Variants in GRK3 observed in about 807,000 individuals in gnomAD.
The protein encoded by GRK3 is G protein-coupled receptor kinase 3.
A neutral mutation model predicts 95.7 loss-of-function variants in GRK3; 54 were observed. The observed-to-expected ratio is 0.56, with a 90% confidence interval of 0.45 to 0.71. The LOEUF is 0.71. Among genes scored for constraint, GRK3 ranks in the 30% least tolerant of loss-of-function variants. GRK3 has a pLI of 0.00. For missense variants in GRK3, 649 were observed against 851.2 expected (o/e 0.76, Z 2.96); for synonymous variants, 281 against 290.8 (o/e 0.97, Z 0.34).
intron 6 of GRK3, among the ~76,000 whole-genome samples, chr22:25,668,505 C>T (rs906196820): frequency 1.3e-5 from 2 of 152,210 alleles, no homozygotes; most frequent in Non-Finnish European, 2.9e-5. Context: ...GTTTTCTTCA[C>T]CACATATTCA....
Position 25,722,652 on chromosome 22 carries a change from G to A in GRK3, c.*202G>A. The A allele has an allele frequency of 2.0e-6, 1 of 507,422 alleles. No individual in the cohort carries two copies. Among genetic ancestry groups the A allele is most frequent in the Non-Finnish European group, 3.4e-6 (1 of 290,280 alleles). 31.4% of individuals were successfully genotyped at this position (507,422 alleles called of 1,614,324 possible). A position where few individuals can be genotyped will look rare whatever the true frequency, so the allele number is the denominator to read the frequency against. ...ATTAGAAACTACTGAAGAAATAAAA[G>A]TTCTTTTTCTTTGCTACACACTTTG... On this transcript the variant is annotated 3_prime_UTR_variant, in exon 21 of 21. Coordinates refer to ENST00000324198, the MANE Select transcript of GRK3 (RefSeq NM_005160.4).
intron 1 of GRK3, among the ~76,000 whole-genome samples, chr22:25,577,616 C>T (rs1287215454): frequency 6.6e-6 from 1 of 152,226 alleles, no homozygotes; most frequent in African/African-American, 2.4e-5. Context: ...TTGTATTTGT[C>T]AGGAGCACAT....
At chr22:25,695,866 G>A (rs2085204050) in intron 13 of GRK3, among the ~76,000 whole-genome samples, 1 of 139,938 alleles carries the variant, frequency 7.1e-6, no homozygotes, top group Non-Finnish European at 1.5e-5. Context: ...GAGACGTCTC[G>A]CTCTGTCTCC....
rs919888839 is a variant in GRK3, at chr22:25,725,701, C to G, written c.*3251C>G. 7.5e-6 allele frequency: 3 copies of G among 398,342 alleles called. No individual in the cohort carries two copies. The highest frequency in any genetic ancestry group is 6.2e-5 in the African/African-American group (3 of 48,612). The allele number at this position is 398,342 out of a possible 1,614,324, so 24.7% of individuals were successfully genotyped here. ...ATGGCTCACGCCTATAATCCCAGCA[C>G]TTTGGGAGGCCGAGAGGGGCGGTTC... On this transcript the variant is annotated 3_prime_UTR_variant, in exon 21 of 21. Coordinates refer to ENST00000324198, the MANE Select transcript of GRK3 (RefSeq NM_005160.4).
chr22:25,655,886 C>T (rs1601505422), intron 3 of GRK3, among the ~76,000 whole-genome samples: 1 of 152,260 alleles, frequency 6.6e-6, no homozygotes, highest in East Asian at 1.9e-4. Flanking sequence ...AAATAGGACA[C>T]CAGATGAACA....
Position 25,721,400 on chromosome 22 carries a change from G to T in GRK3, c.1905+3G>T. 1 of 1,510,986 alleles carries T rather than the reference G, an allele frequency of 6.6e-7. No individual in the cohort carries two copies. Among genetic ancestry groups the T allele is most frequent in the East Asian group, 2.3e-5 (1 of 43,802 alleles). The allele number at this position is 1,510,986 out of a possible 1,614,324, so 93.6% of individuals were successfully genotyped here. On this transcript the variant is annotated splice_donor_region_variant and intron_variant, in intron 20 of 20. Transcript: ENST00000324198. Reference sequence around the variant, plus strand: ...AACAATTTGTCTTGCAATGTGAGGTGAGTTTTTATTTTTTCTTAGGTGAAT... The same window carrying T: ...AACAATTTGTCTTGCAATGTGAGGTTAGTTTTTATTTTTTCTTAGGTGAAT...
At chr22:25,613,348 T>C (rs1401097608) in intron 2 of GRK3, among the ~76,000 whole-genome samples, 1 of 150,634 alleles carries the variant, frequency 6.6e-6, no homozygotes, top group African/African-American at 2.5e-5. Flanking sequence ...AAGAGTTCTC[T>C]AGCCAGAGCA....
At position 25,716,144 on chromosome 22, in the gene GRK3, G is replaced by A. The variant is rs755398150; in HGVS notation, c.1654+1574G>A. On this transcript the variant is annotated intron_variant, in intron 18 of 20. Transcript: ENST00000324198. ...TGGGATTACAGGCGCCCACCACCAC[G>A]CCTGGCTATTTTTTTTTGTATTTTT... Among the ~76,000 whole-genome samples the A allele has an allele frequency of 5.9e-5, 9 of 151,836 alleles. 1 individual carries two copies. The highest frequency in any genetic ancestry group is 1.2e-4 in the African/African-American group (5 of 41,294).
rs766752684 is a variant in GRK3, at chr22:25,661,659, A to G, written c.348A>G (p.Glu116=). 5.0e-6 allele frequency: 8 copies of G among 1,609,284 alleles called. No individual in the cohort carries two copies. The highest frequency in any genetic ancestry group is 6.8e-6 in the Non-Finnish European group (8 of 1,176,258). Residue 116 remains glutamate (E), a synonymous_variant, in exon 4 of 21, where the codon GAA becomes GAG. Transcript: ENST00000324198. ...TTTATGATGCCTACATCATGAAGGA[A>G]CTTCTTTCCTGTTCACATGTAAGTA... ...RQIYDAYIMK[E]LLSCSHPFSK...
intron 1 of GRK3, among the ~76,000 whole-genome samples, chr22:25,589,939 A>T (rs1832092008): frequency 6.6e-6 from 1 of 152,172 alleles, no homozygotes; most frequent in Admixed American, 6.5e-5. Context: ...TCGTGAGACT[A>T]ATTCACTATC....
intron 8 of GRK3, 71 bp downstream of exon 8, chr22:25,674,599 C>A: frequency 8.6e-7 from 1 of 1,156,222 alleles, no homozygotes; most frequent in South Asian, 1.3e-5. Context: ...AAGAAAATTC[C>A]TATAAAGAAA....
intron 13 of GRK3, among the ~76,000 whole-genome samples, chr22:25,696,550 A>G (rs1472626998): frequency 6.6e-6 from 1 of 152,216 alleles, no homozygotes; most frequent in Non-Finnish European, 1.5e-5. Flanking sequence ...CTCATAAATC[A>G]TTTTACATTA....
chr22:25,714,314 A>C, intron 17 of GRK3, 94 bp from the exon 18 acceptor site: 1 of 1,032,544 alleles, frequency 9.7e-7, no homozygotes, highest in South Asian at 1.7e-5. Flanking sequence ...TCCTATATAG[A>C]GTTATGATAG....
Position 25,630,625 on chromosome 22 carries a change from C to G in GRK3, c.191-13967C>G, listed in dbSNP as rs183655377. Reference sequence around the variant, plus strand: ...TTACATTTCCCTCCCAGTCCCAGTTCGCGTTGTTCCTTTTTGAGTCAAGAG... The same window carrying G: ...TTACATTTCCCTCCCAGTCCCAGTTGGCGTTGTTCCTTTTTGAGTCAAGAG... On this transcript the variant is annotated intron_variant, in intron 2 of 20. Transcript: ENST00000324198. Among the ~76,000 whole-genome samples, 16 of 152,290 alleles carry G rather than the reference C, an allele frequency of 1.1e-4. No individual in the cohort carries two copies. In the East Asian group the frequency reaches 3.1e-3, roughly 29 times the overall value.
At chr22:25,652,144 A>G (rs1395224296) in intron 3 of GRK3, among the ~76,000 whole-genome samples, 3 of 152,204 alleles carry the variant, frequency 2.0e-5, no homozygotes, top group Non-Finnish European at 4.4e-5. Context: ...GTCAGAAGGA[A>G]AATGATCTGG....
At chr22:25,709,213 A>G (rs1266176878) in intron 15 of GRK3, among the ~76,000 whole-genome samples, 1 of 150,058 alleles carries the variant, frequency 6.7e-6, no homozygotes, top group Admixed American at 6.6e-5. Context: ...AATTTTTTGT[A>G]TTTTCGGTAG....
intron 1 of GRK3, among the ~76,000 whole-genome samples, chr22:25,579,797 G>A (rs1177605530): frequency 1.3e-5 from 2 of 152,074 alleles, no homozygotes; most frequent in African/African-American, 2.4e-5. Flanking sequence ...CAGAAGAATG[G>A]CAGCAAATTA....
intron 20 of GRK3, 141 bp from the exon 21 acceptor site, chr22:25,722,148 C>T (rs1344722218): frequency 4.6e-6 from 4 of 863,102 alleles, no homozygotes; most frequent in Non-Finnish European, 7.3e-6. Context: ...GACCCATCAG[C>T]TAGTAATGCC....
intron 14 of GRK3, 82 bp downstream of exon 14, chr22:25,703,658 A>G (rs2085275655): frequency 1.9e-6 from 2 of 1,040,674 alleles, no homozygotes; most frequent in Non-Finnish European, 2.9e-6. Flanking sequence ...ATGCTATTAC[A>G]TAAAATGTTA....
Sources: allele counts gnomAD v4.1 joint callset (sites outside exome capture counted in the v4.1 genomes callset), GRCh38; gene constraint gnomAD v4.1.1; transcripts MANE v1.5; gene names NCBI Gene and HGNC (gene_info 2026-07-23, HGNC 2026-07-21).